Variants in HARBI1 observed in about 807,000 individuals in gnomAD.
HARBI1 encodes the protein putative nuclease HARBI1.
HARBI1 carries 15 observed loss-of-function variants against 25.3 expected under a neutral mutation model. The ratio of observed to expected loss-of-function variants is 0.59; its 90% CI spans 0.40 to 0.91. The LOEUF is 0.91. HARBI1 is among the 40% of genes least tolerant of loss of function. HARBI1 has a pLI of 0.00. For missense variants in HARBI1, 396 were observed against 445.8 expected (o/e 0.89, Z 1.01); for synonymous variants, 168 against 160.5 (o/e 1.05, Z -0.35).
intron 2 of HARBI1, among the ~76,000 whole-genome samples, chr11:46,615,261 G>A (rs2045333513): frequency 1.4e-5 from 2 of 147,474 alleles, no homozygotes; most frequent in Non-Finnish European, 3.0e-5. Context: ...TTGCTCTGTT[G>A]CCCAGGTGGG....
chr11:46,612,617 C>T (rs1171296601), intron 2 of HARBI1, among the ~76,000 whole-genome samples: 1 of 151,730 alleles, frequency 6.6e-6, no homozygotes, highest in African/African-American at 2.4e-5. Context: ...CATGCATTGT[C>T]TACTATCATT....
At chr11:46,616,635 G>A (rs1057064278) in intron 1 of HARBI1, 4 of 1,006,712 alleles carry the variant, frequency 4.0e-6, no homozygotes, top group African/African-American at 1.7e-5. Flanking sequence ...GAATAATGGA[G>A]GTGATGACAT....
At chr11:46,609,216 A>G (rs1162810320) in intron 2 of HARBI1, among the ~76,000 whole-genome samples, 1 of 151,690 alleles carries the variant, frequency 6.6e-6, no homozygotes, top group Non-Finnish European at 1.5e-5. Context: ...GGCTAAAATT[A>G]GCACCAGGCT....
In HARBI1 at chr11:46,616,380, C is replaced by T. The variant is rs1390242967; in HGVS notation, c.-143G>A. ...ATGGCTCTGCCATTTATAATCTTCT[C>T]TCTGTAAATGTTAAAAGAAAAAACA... On this transcript the variant is annotated splice_region_variant and 5_prime_UTR_variant, in exon 2 of 3. Coordinates refer to ENST00000326737, the MANE Select transcript of HARBI1 (RefSeq NM_173811.4). 4.9e-6 allele frequency: 7 copies of T among 1,441,852 alleles called. No individual in the cohort carries two copies. Among genetic ancestry groups the T allele is most frequent in the South Asian group, 1.5e-5 (1 of 66,352 alleles). The allele number at this position is 1,441,852 out of a possible 1,614,324, so 89.3% of individuals were successfully genotyped here.
chr11:46,611,008 T>A (rs1463052862), intron 2 of HARBI1, among the ~76,000 whole-genome samples: 1 of 141,348 alleles, frequency 7.1e-6, no homozygotes, highest in Non-Finnish European at 1.5e-5. Context: ...TTAACTCTTT[T>A]TTTTTTTTTT....
At chr11:46,607,259 CAA>C (rs149824275) in intron 2 of HARBI1, among the ~76,000 whole-genome samples, 24 of 71,680 alleles carry the variant, frequency 3.3e-4, no homozygotes, top group East Asian at 5.2e-4. Flanking sequence ...GAGACTGTCT[CAA>C]AAAAAAAAAA....
chr11:46,604,788 A>T, intron 2 of HARBI1: 1 of 718,932 alleles, frequency 1.4e-6, no homozygotes, highest in Non-Finnish European at 1.7e-6. Context: ...GAAGAATTTC[A>T]CATGAACAAA....
intron 2 of HARBI1, among the ~76,000 whole-genome samples, chr11:46,608,503 A>C (rs1356668435): frequency 6.6e-6 from 1 of 152,124 alleles, no homozygotes; most frequent in African/African-American, 2.4e-5. Context: ...GGAGTGCAAT[A>C]GCACGATCGT....
At chr11:46,608,451 A>G (rs1046805508) in intron 2 of HARBI1, among the ~76,000 whole-genome samples, 2 of 151,966 alleles carry the variant, frequency 1.3e-5, no homozygotes, top group African/African-American at 4.8e-5. Context: ...AAATCTGTCT[A>G]TTCATATGAA....
In HARBI1 at chr11:46,606,805, G is replaced by A. The variant is rs1019414239; in HGVS notation, c.671-2896C>T. Among the ~76,000 whole-genome samples the A allele has an allele frequency of 1.3e-5, 2 of 152,088 alleles. 1 individual carries two copies. The highest frequency in any genetic ancestry group is 1.3e-4 in the Admixed American group (2 of 15,260). ...TTACAGGCACATGCCACAACACCCA[G>A]CTAATTTTTAAACTTTTTGTAGAGA... On this transcript the variant is annotated intron_variant, in intron 2 of 2. Coordinates refer to ENST00000326737, the MANE Select transcript of HARBI1 (RefSeq NM_173811.4).
At chr11:46,611,303 G>A (rs1019005763) in intron 2 of HARBI1, among the ~76,000 whole-genome samples, 1 of 152,026 alleles carries the variant, frequency 6.6e-6, no homozygotes, top group African/African-American at 2.4e-5. Flanking sequence ...CACCGTGCCC[G>A]GCTATTATTT....
In HARBI1 at chr11:46,616,133, C is replaced by T. The variant is rs776722319; in HGVS notation, c.105G>A (p.Leu35=). The part of the protein sequence containing the change: ...FKLDDVTDEY[L]MSMYGFPRQF... ...GCCGTGGAAACCCATACATGGACAT[C>T]AAGTATTCATCAGTCACATCATCCA... The change falls in exon 2 of 3, where the codon TTG becomes TTA. Residue 35 remains leucine (L), a synonymous_variant. Coordinates refer to ENST00000326737, the MANE Select transcript of HARBI1 (RefSeq NM_173811.4). 6.2e-7 allele frequency: 1 copy of T among 1,614,064 alleles called. No individual in the cohort carries two copies. The highest frequency in any genetic ancestry group is 2.2e-5 in the East Asian group (1 of 44,892).
upstream of HARBI1, chr11:46,617,502 A>C: frequency 3.5e-6 from 1 of 287,012 alleles, no homozygotes; most frequent in African/African-American, 2.2e-5. Flanking sequence ...AAGTGCGACT[A>C]AGGTTAGGCA....
At chr11:46,605,587 C>CTTTTTTTT (rs11333482) in intron 2 of HARBI1, among the ~76,000 whole-genome samples, 4 of 90,216 alleles carry the variant, frequency 4.4e-5, no homozygotes, top group Non-Finnish European at 4.4e-5. Flanking sequence ...CAGGTATAAC[C>CTTTTTTTT]TTTTTTTTTT....
intron 2 of HARBI1, among the ~76,000 whole-genome samples, chr11:46,612,554 C>A (rs1297366535): frequency 6.6e-6 from 1 of 152,112 alleles, no homozygotes; most frequent in East Asian, 1.9e-4. Context: ...CCAGTCTTTC[C>A]AATGGAACTC....
chr11:46,615,617 G>T lies in HARBI1; in HGVS notation c.621C>A (p.Ser207=), dbSNP rs2045355701. 4.3e-6 allele frequency: 7 copies of T among 1,614,066 alleles called. No individual in the cohort carries two copies. The highest frequency in any genetic ancestry group is 5.9e-6 in the Non-Finnish European group (7 of 1,180,050). ...LQDCAVLQQS[S]LSSQFEAGMH... is the part of the protein sequence containing the mutation. ...TACCCGCTTCAAACTGACTACTGAG[G>T]GAAGACTGCTGCAGCACAGCACAGT... Residue 207 remains serine, a synonymous_variant, in exon 2 of 3, where the codon TCC becomes TCA. Transcript: ENST00000326737.
At chr11:46,616,477 G>A in intron 1 of HARBI1, 96 bp from the exon 2 acceptor site, 4 of 1,342,044 alleles carry the variant, frequency 3.0e-6, no homozygotes, top group Non-Finnish European at 3.8e-6. Flanking sequence ...TTTCCATTTT[G>A]TTGAGGCAAA....
At chr11:46,604,836 G>T (rs2044875681) in intron 2 of HARBI1, among the ~76,000 whole-genome samples, 1 of 152,158 alleles carries the variant, frequency 6.6e-6, no homozygotes, top group African/African-American at 2.4e-5. Context: ...GTAATAGTTG[G>T]TGATAAGGAA....
Position 46,603,840 on chromosome 11 carries a change from T to C in HARBI1, c.740A>G (p.Tyr247Cys). 1.9e-6 allele frequency: 3 copies of C among 1,614,168 alleles called. No individual in the cohort carries two copies. Among genetic ancestry groups the C allele is most frequent in the South Asian group, 1.1e-5 (1 of 91,082 alleles). ...TGCAGAATGGGCCATGTTATAGCGATATTCTGCTGGAGTTTCAGGAATGTG... is the reference window on the plus strand; with the variant it reads ...TGCAGAATGGGCCATGTTATAGCGACATTCTGCTGGAGTTTCAGGAATGTG... The part of the protein sequence containing the change: ...PLHIPETPAE[Y>C]RYNMAHSATH... Residue 247 changes from tyrosine to cysteine, a missense_variant, in exon 3 of 3, where the codon TAT becomes TGT. Tyr to Cys is a radical substitution (Grantham distance 194). Transcript: ENST00000326737.
Sources: gnomAD v4.1 joint callset for allele counts (sites outside exome capture counted in the v4.1 genomes callset) on GRCh38, gnomAD v4.1.1 for gene constraint, MANE v1.5 for transcripts, NCBI Gene and HGNC (gene_info 2026-07-23, HGNC 2026-07-21) for gene names.